The following VAV1 variants were observed in gnomAD, a reference collection of about 807,000 sequenced individuals.
VAV1 encodes vav guanine nucleotide exchange factor 1, also known as proto-oncogene vav.
VAV1 carries 33 observed loss-of-function variants against 128.1 expected under a neutral mutation model. That is an observed-to-expected ratio of 0.26 (90% confidence interval 0.20 to 0.34). The LOEUF (loss-of-function observed/expected upper bound fraction) is 0.34. Among genes scored for constraint, VAV1 ranks in the 10% least tolerant of loss-of-function variants. The probability of loss-of-function intolerance (pLI) is 1.00; values close to 1 mark genes in which losing one functional copy is unlikely to be tolerated. For missense variants in VAV1, 715 were observed against 1,093.7 expected, an observed-to-expected ratio of 0.65 and a Z score of 4.88; for synonymous variants, 394 against 409.8, an observed-to-expected ratio of 0.96 and a Z score of 0.47.
At position 6,848,007 on chromosome 19, in the gene VAV1, C is replaced by A. The variant is rs1244001033; in HGVS notation, c.2022C>A (p.Gly674=). 1.4e-5 allele frequency: 22 copies of A among 1,517,858 alleles called. No homozygotes were observed. Among genetic ancestry groups the A allele is most frequent in the Non-Finnish European group, 1.7e-5 (19 of 1,140,624 alleles). The allele number at this position is 1,517,858 out of a possible 1,614,324, so 94.0% of individuals were successfully genotyped here. A position where few individuals can be genotyped will look rare whatever the true frequency, so the allele number is the denominator to read the frequency against. Residue 674 remains glycine, a synonymous_variant, in exon 23 of 27, where the codon GGC becomes GGA. Coordinates refer to ENST00000602142, the MANE Select transcript of VAV1 (RefSeq NM_005428.4). ...TGGTGTCTCTTTGCAGGTACGCAGG[C>A]CCCATGGAGCGGGCAGGGGCAGAGA... ...QDLSVHLWYA[G]PMERAGAESI... is the part of the protein sequence containing the mutation.
chr19:6,795,663 T>A (rs1179612876), intron 1 of VAV1, among the ~76,000 whole-genome samples: 1 of 151,964 alleles, frequency 6.6e-6, no homozygotes, highest in Admixed American at 6.6e-5. Flanking sequence ...TGGGGTTTAG[T>A]CCACTCTTTT....
At chr19:6,810,648 TGAGCTGA>T (rs1971494237) in intron 1 of VAV1, among the ~76,000 whole-genome samples, 1 of 151,802 alleles carries the variant, frequency 6.6e-6, no homozygotes, top group African/African-American at 2.4e-5. Flanking sequence ...GAGGTTGCAG[TGAGCTGA>T]GATCACGTCA....
At chr19:6,774,344 G>T (rs1290729265) in intron 1 of VAV1, among the ~76,000 whole-genome samples, 1 of 149,956 alleles carries the variant, frequency 6.7e-6, no homozygotes, top group East Asian at 2.0e-4. Flanking sequence ...TAGCCAGGAT[G>T]GTCTCGATCT....
intron 1 of VAV1, among the ~76,000 whole-genome samples, chr19:6,811,878 G>C (rs2144750203): frequency 6.6e-6 from 1 of 152,320 alleles, no homozygotes; most frequent in Admixed American, 6.5e-5. Context: ...TGTGCTTCTA[G>C]TTCCAGGTCG....
intron 1 of VAV1, among the ~76,000 whole-genome samples, chr19:6,803,647 C>T: frequency 6.6e-6 from 1 of 151,902 alleles, no homozygotes. Flanking sequence ...TCACTGCAAC[C>T]TCTGCTTCCC....
chr19:6,794,191 AATT>A (rs1971077816), intron 1 of VAV1, among the ~76,000 whole-genome samples: 1 of 151,906 alleles, frequency 6.6e-6, no homozygotes, highest in Non-Finnish European at 1.5e-5. Flanking sequence ...GTAATAAATC[AATT>A]ATTAGTTTAT....
In VAV1 at chr19:6,826,989, G is replaced by C; in HGVS notation, c.927+278G>C. 2.3e-6 allele frequency: 1 copy of C among 442,968 alleles called. No individual in the cohort carries two copies. Among genetic ancestry groups the C allele is most frequent in the Admixed American group, 3.4e-5 (1 of 29,324 alleles). The allele number at this position is 442,968 out of a possible 1,614,324, so 27.4% of individuals were successfully genotyped here. A position where few individuals can be genotyped will look rare whatever the true frequency, so the allele number is the denominator to read the frequency against. On this transcript the variant is annotated intron_variant, in intron 9 of 26. Transcript: ENST00000602142. This position sits in a 1 kb window ranked among gnomAD's most constrained non-coding sequence, Gnocchi z 4.1. ...ACACTCAACCCCAGCCCTGGGCTGAGCCCTAGCACTGATTGTACCCCAAGT... is the reference window on the plus strand; with the variant it reads ...ACACTCAACCCCAGCCCTGGGCTGACCCCTAGCACTGATTGTACCCCAAGT...
chr19:6,850,131 C>T (rs1166390330), intron 23 of VAV1, among the ~76,000 whole-genome samples: 1 of 150,032 alleles, frequency 6.7e-6, no homozygotes, highest in Non-Finnish European at 1.5e-5. Context: ...TGTGAATTTC[C>T]CTTACTTTTT....
chr19:6,829,075 G>T (rs1971990955), intron 13 of VAV1, among the ~76,000 whole-genome samples, 175 bp downstream of exon 13: 1 of 151,426 alleles, frequency 6.6e-6, no homozygotes, highest in Non-Finnish European at 1.5e-5. Flanking sequence ...AGCAGAGCCT[G>T]GGCAGGGGCA....
intron 1 of VAV1, among the ~76,000 whole-genome samples, chr19:6,796,793 C>T (rs1449575797): frequency 6.6e-6 from 1 of 152,176 alleles, no homozygotes; most frequent in Non-Finnish European, 1.5e-5. Context: ...CACCTTCAGA[C>T]AAGCTATGTA....
chr19:6,787,893 G>A (rs894160014), intron 1 of VAV1, among the ~76,000 whole-genome samples: 3 of 151,918 alleles, frequency 2.0e-5, no homozygotes, highest in Admixed American at 2.0e-4. Flanking sequence ...TGGCTAACAC[G>A]GTGAAACCCC....
At chr19:6,797,424 C>G (rs552735452) in intron 1 of VAV1, among the ~76,000 whole-genome samples, 1 of 151,796 alleles carries the variant, frequency 6.6e-6, no homozygotes, top group Non-Finnish European at 1.5e-5. Flanking sequence ...GCAAAATGGC[C>G]GGGCACAGTG....
chr19:6,780,161 C>T (rs797622), intron 1 of VAV1, among the ~76,000 whole-genome samples: 34,920 of 136,798 alleles, frequency 0.26, 5,374 homozygotes, highest in African/African-American at 0.36. Context: ...TAATAATAAC[C>T]TCATCCATGA....
intron 21 of VAV1, among the ~76,000 whole-genome samples, chr19:6,842,129 C>T (rs1972393170): frequency 1.3e-5 from 2 of 152,052 alleles, no homozygotes; most frequent in African/African-American, 2.4e-5. Context: ...GTAATCCCAG[C>T]TGAGGCAGGA....
At chr19:6,848,622 C>G (rs1972586329) in intron 23 of VAV1, among the ~76,000 whole-genome samples, 2 of 151,834 alleles carry the variant, frequency 1.3e-5, no homozygotes, top group East Asian at 1.9e-4. Context: ...AGCCTGGTCT[C>G]GAACTCCTGA....
At chr19:6,824,765 C>T (rs972518631) in intron 6 of VAV1, among the ~76,000 whole-genome samples, 2 of 152,062 alleles carry the variant, frequency 1.3e-5, no homozygotes, top group East Asian at 1.9e-4. Context: ...CTCCTGACCT[C>T]GTGATCCACC....
At position 6,795,969 on chromosome 19, in the gene VAV1, C is replaced by G. The variant is rs1971123587; in HGVS notation, c.204+22958C>G. 2.0e-5 allele frequency among the ~76,000 whole-genome samples: 3 copies of G among 152,130 alleles called. 1 individual carries two copies. The South Asian group carries it at 6.2e-4, about 32-fold the overall frequency. On this transcript the variant is annotated intron_variant, in intron 1 of 26. Transcript: ENST00000602142. ...AAGTGCTGGGATTCCAGGGGTGAGC[C>G]ACCGCACCCGGCTAGTCCACTCTGA...
chr19:6,836,911 A>G, intron 20 of VAV1, 74 bp from the exon 21 acceptor site: 2 of 1,446,990 alleles, frequency 1.4e-6, no homozygotes, highest in South Asian at 1.1e-5. Context: ...GTGTAGGGTT[A>G]TGGGTTTAGA....
intron 22 of VAV1, among the ~76,000 whole-genome samples, 180 bp from the exon 23 acceptor site, chr19:6,847,818 T>C (rs564771064): frequency 6.6e-6 from 1 of 152,336 alleles, no homozygotes; most frequent in East Asian, 1.9e-4. Context: ...CCGCTCCCCA[T>C]GTCTGGGCTC....
Sources: gnomAD v4.1 joint callset for allele counts (sites outside exome capture counted in the v4.1 genomes callset) on GRCh38, gnomAD v4.1.1 for gene constraint, Gnocchi (gnomAD v3.1) non-coding constraint, MANE v1.5 for transcripts, NCBI Gene and HGNC (gene_info 2026-07-23, HGNC 2026-07-21) for gene names.